The following ALK variants were observed in gnomAD, a reference collection of about 807,000 sequenced individuals.
ALK encodes the protein ALK tyrosine kinase receptor.
In ALK, 74 loss-of-function variants were observed where a neutral mutation model predicts 163.1. The observed-to-expected ratio is 0.45, with a 90% CI of 0.38 to 0.55. The LOEUF (loss-of-function observed/expected upper bound fraction) is 0.55. ALK is among the 20% of genes least tolerant of loss of function. The pLI, the probability that ALK is intolerant of heterozygous loss-of-function variation, is 0.00. For synonymous variants in ALK, 960 were observed against 843.2 expected (o/e 1.14, Z -2.40); for missense variants, 2,063 against 2,105.3 (o/e 0.98, Z 0.39).
chr2:29,431,179 A>G (rs1670263899), intron 4 of ALK, among the ~76,000 whole-genome samples: 1 of 152,194 alleles, frequency 6.6e-6, no homozygotes, highest in African/African-American at 2.4e-5. Flanking sequence ...TGATTCAATC[A>G]AATGATTTCT....
At chr2:29,407,915 A>G (rs1241841231) in intron 4 of ALK, among the ~76,000 whole-genome samples, 1 of 152,142 alleles carries the variant, frequency 6.6e-6, no homozygotes, top group Non-Finnish European at 1.5e-5. Flanking sequence ...AATTAAGCCA[A>G]ATAAAGACCA....
At chr2:29,848,177 T>C (rs1665895869) in intron 1 of ALK, among the ~76,000 whole-genome samples, 1 of 152,124 alleles carries the variant, frequency 6.6e-6, no homozygotes, top group East Asian at 1.9e-4. Context: ...GGGAGGCTTT[T>C]CTTCCCAACC....
At chr2:29,542,244 C>A (rs1673431719) in intron 3 of ALK, among the ~76,000 whole-genome samples, 1 of 151,998 alleles carries the variant, frequency 6.6e-6, no homozygotes, top group Non-Finnish European at 1.5e-5. Flanking sequence ...CCAGGAATTT[C>A]TAGCTGATTT....
intron 3 of ALK, among the ~76,000 whole-genome samples, chr2:29,665,700 C>G (rs1382421146): frequency 6.6e-6 from 1 of 152,060 alleles, no homozygotes. Context: ...CTTCATCATT[C>G]AGAATTAGAG....
chr2:29,522,005 G>A (rs1045635087), intron 4 of ALK, among the ~76,000 whole-genome samples: 2 of 152,226 alleles, frequency 1.3e-5, no homozygotes, highest in Non-Finnish European at 2.9e-5. Flanking sequence ...CATTTATTGC[G>A]GACAGGAAGG....
At chr2:29,380,577 C>T (rs1339306657) in intron 5 of ALK, among the ~76,000 whole-genome samples, 1 of 152,122 alleles carries the variant, frequency 6.6e-6, no homozygotes, top group Admixed American at 6.5e-5. Flanking sequence ...TGCCACCACG[C>T]CTGGCTAATT....
chr2:29,298,009 C>T (rs1396122205), intron 8 of ALK, among the ~76,000 whole-genome samples: 1 of 152,174 alleles, frequency 6.6e-6, no homozygotes, highest in Non-Finnish European at 1.5e-5. Flanking sequence ...TCTCTGAATA[C>T]CTGCTTCTTT....
At chr2:29,778,883 C>T (rs982267541) in intron 1 of ALK, among the ~76,000 whole-genome samples, 10 of 151,950 alleles carry the variant, frequency 6.6e-5, no homozygotes, top group Admixed American at 1.3e-4. Context: ...AGGCCGGGTG[C>T]GGTGGCTCAC....
At chr2:29,209,659 G>C in intron 25 of ALK, 127 bp downstream of exon 25, 2 of 693,826 alleles carry the variant, frequency 2.9e-6, no homozygotes, top group Non-Finnish European at 2.5e-6. Flanking sequence ...AAGGAACTTA[G>C]TGAAATTTTA....
chr2:29,358,360 A>G (rs1442682591), intron 5 of ALK, among the ~76,000 whole-genome samples: 3 of 152,240 alleles, frequency 2.0e-5, no homozygotes, highest in Non-Finnish European at 4.4e-5. Flanking sequence ...TTCTGGCCTT[A>G]GCTGAAAAGT....
At chr2:29,477,486 C>G (rs1671556142) in intron 4 of ALK, among the ~76,000 whole-genome samples, 1 of 152,174 alleles carries the variant, frequency 6.6e-6, no homozygotes, top group South Asian at 2.1e-4. Flanking sequence ...TCCTTCCCAG[C>G]TAAGCAAGTC....
intron 4 of ALK, among the ~76,000 whole-genome samples, chr2:29,531,415 T>C (rs769385593): frequency 1.3e-5 from 2 of 152,144 alleles, no homozygotes; most frequent in African/African-American, 2.4e-5. Flanking sequence ...CACAAAGCTC[T>C]GTTCCAATCT....
At chr2:29,557,775 C>T (rs892041461) in intron 3 of ALK, among the ~76,000 whole-genome samples, 1 of 152,018 alleles carries the variant, frequency 6.6e-6, no homozygotes, top group African/African-American at 2.4e-5. Context: ...TACATAGGTC[C>T]TAAGTGCCAC....
At chr2:29,475,007 G>C (rs1201762228) in intron 4 of ALK, among the ~76,000 whole-genome samples, 2 of 151,380 alleles carry the variant, frequency 1.3e-5, no homozygotes, top group African/African-American at 4.9e-5. Context: ...AGTTTCTGCA[G>C]AAGAAACCGC....
At chr2:29,198,095 T>C (rs1573085458) in intron 26 of ALK, among the ~76,000 whole-genome samples, 1 of 152,348 alleles carries the variant, frequency 6.6e-6, no homozygotes, top group East Asian at 1.9e-4. Flanking sequence ...TTGTTTTCAG[T>C]TTTCAAAATA....
At chr2:29,534,409 G>A (rs993184314) in intron 3 of ALK, among the ~76,000 whole-genome samples, 4 of 152,302 alleles carry the variant, frequency 2.6e-5, no homozygotes, top group Non-Finnish European at 4.4e-5. Flanking sequence ...TGCAGAGCAC[G>A]TGAGGACCCT....
chr2:29,695,040 GA>G, intron 2 of ALK, 26 bp from the exon 3 acceptor site: 2 of 1,612,962 alleles, frequency 1.2e-6, no homozygotes, highest in Non-Finnish European at 1.7e-6. Context: ...AGGGTCAATG[GA>G]AAAAACCATT....
intron 8 of ALK, among the ~76,000 whole-genome samples, chr2:29,307,827 G>T (rs1666566690): frequency 6.6e-6 from 1 of 152,192 alleles, no homozygotes. Context: ...CAATTATGGA[G>T]GCTTAAGAAA....
intron 4 of ALK, among the ~76,000 whole-genome samples, chr2:29,495,363 G>A (rs1001932965): frequency 2.0e-5 from 3 of 152,104 alleles, no homozygotes; most frequent in Non-Finnish European, 2.9e-5. Flanking sequence ...TTCCTTTCCC[G>A]TGGCACTGCA....
Sources: gnomAD v4.1 joint callset for allele counts (sites outside exome capture counted in the v4.1 genomes callset) on GRCh38, gnomAD v4.1.1 for gene constraint, MANE v1.5 for transcripts, NCBI Gene and HGNC (gene_info 2026-07-23, HGNC 2026-07-21) for gene names.